The following BBS9 variants were observed in gnomAD, a reference collection of about 807,000 sequenced individuals.
The protein encoded by BBS9 is Bardet-Biedl syndrome 9.
BBS9 carries 89 observed loss-of-function variants against 117.7 expected under a neutral mutation model. The ratio of observed to expected loss-of-function variants is 0.76; its 90% confidence interval spans 0.64 to 0.90. The LOEUF (loss-of-function observed/expected upper bound fraction) is 0.90, where lower values mean the gene tolerates loss of function less well. Among genes scored for constraint, BBS9 ranks in the 40% least tolerant of loss-of-function variants. BBS9 has a pLI of 0.00. For synonymous variants in BBS9, 379 were observed against 370.9 expected (o/e 1.02, Z -0.25); for missense variants, 982 against 1,042.2 (o/e 0.94, Z 0.80).
chr7:33,579,266 A>T (rs1442471795), intron 21 of BBS9, among the ~76,000 whole-genome samples: 1 of 152,166 alleles, frequency 6.6e-6, no homozygotes, highest in Non-Finnish European at 1.5e-5. Flanking sequence ...CTTCATTATG[A>T]GCTGAAAGGG....
At chr7:33,274,139 A>T (rs1378878830) in intron 9 of BBS9, among the ~76,000 whole-genome samples, 183 bp downstream of exon 9, 2 of 152,232 alleles carry the variant, frequency 1.3e-5, no homozygotes, top group Non-Finnish European at 2.9e-5. Context: ...AATTAGTGCT[A>T]TTAATCATTT....
intron 6 of BBS9, among the ~76,000 whole-genome samples, chr7:33,262,104 A>G (rs1260250145): frequency 6.6e-6 from 1 of 152,188 alleles, no homozygotes; most frequent in Non-Finnish European, 1.5e-5. Flanking sequence ...TAAGTTTGTC[A>G]TCATCTAATT....
intron 15 of BBS9, among the ~76,000 whole-genome samples, chr7:33,357,543 G>A (rs1057504506): frequency 6.6e-6 from 1 of 151,734 alleles, no homozygotes; most frequent in Non-Finnish European, 1.5e-5. Flanking sequence ...ACTTAGTTCA[G>A]TAATTGAATG....
intron 4 of BBS9, among the ~76,000 whole-genome samples, chr7:33,170,188 A>G (rs1392938554): frequency 2.6e-5 from 4 of 151,538 alleles, no homozygotes; most frequent in African/African-American, 9.7e-5. Flanking sequence ...ATGAACATTG[A>G]TGCAAAAATC....
intron 18 of BBS9, among the ~76,000 whole-genome samples, chr7:33,385,839 CTT>C (rs1372649141): frequency 1.3e-5 from 2 of 151,722 alleles, no homozygotes; most frequent in Non-Finnish European, 2.9e-5. Context: ...CTTTTAAAAA[CTT>C]TATTTAAAAA....
At chr7:33,163,154 C>T (rs1419526106) in intron 4 of BBS9, among the ~76,000 whole-genome samples, 1 of 152,130 alleles carries the variant, frequency 6.6e-6, no homozygotes, top group Non-Finnish European at 1.5e-5. Flanking sequence ...TATGTTAAAC[C>T]AGCCTTGCAT....
At chr7:33,505,708 A>G in intron 20 of BBS9, 63 bp downstream of exon 20, 10 of 1,539,282 alleles carry the variant, frequency 6.5e-6, no homozygotes, top group Non-Finnish European at 8.9e-6. Flanking sequence ...CTTTAGGAAG[A>G]TATCACATGG....
chr7:33,129,563 T>A (rs986465024), upstream of BBS9: 3 of 157,518 alleles, frequency 1.9e-5, no homozygotes, highest in South Asian at 5.8e-4. Context: ...GTAAGTGCTA[T>A]GACAACAGGG....
intron 4 of BBS9, among the ~76,000 whole-genome samples, chr7:33,174,793 C>T (rs1281360484): frequency 6.6e-6 from 1 of 152,206 alleles, no homozygotes; most frequent in East Asian, 1.9e-4. Context: ...ACTCTTGGAG[C>T]TGCTCTTTCT....
intron 19 of BBS9, among the ~76,000 whole-genome samples, chr7:33,423,361 GAT>G (rs1833152158): frequency 1.3e-5 from 2 of 152,006 alleles, no homozygotes; most frequent in African/African-American, 4.8e-5. Context: ...AAATCAAAAA[GAT>G]AGAATTTTAA....
At chr7:33,543,148 C>A (rs542032558) in intron 21 of BBS9, among the ~76,000 whole-genome samples, 20 of 152,180 alleles carry the variant, frequency 1.3e-4, no homozygotes, top group African/African-American at 4.8e-4. Context: ...TTGATTATGG[C>A]CATTCTTGCA....
At chr7:33,405,141 C>T (rs1433129558) in intron 19 of BBS9, among the ~76,000 whole-genome samples, 3 of 152,202 alleles carry the variant, frequency 2.0e-5, no homozygotes, top group Non-Finnish European at 2.9e-5. Context: ...GTATGCTGGA[C>T]TACATTTATT....
At chr7:33,608,889 T>C (rs533542377), downstream of BBS9, among the ~76,000 whole-genome samples, 16 of 152,148 alleles carry the variant, frequency 1.1e-4, no homozygotes, top group East Asian at 3.1e-3. Flanking sequence ...ATTTTTGTTT[T>C]TGTTGCATTT....
chr7:33,421,564 C>A (rs556900596), intron 19 of BBS9, among the ~76,000 whole-genome samples: 1 of 152,126 alleles, frequency 6.6e-6, no homozygotes, highest in Admixed American at 6.5e-5. Context: ...TTGTACAGAA[C>A]ATTAGGGAAT....
chr7:33,205,249 C>G (rs1256033847), intron 5 of BBS9, among the ~76,000 whole-genome samples: 1 of 152,182 alleles, frequency 6.6e-6, no homozygotes, highest in East Asian at 1.9e-4. Flanking sequence ...TGGAAGCTTT[C>G]TTTTCCTGGG....
intron 5 of BBS9, among the ~76,000 whole-genome samples, chr7:33,184,511 T>C (rs1284633529): frequency 6.6e-6 from 1 of 152,156 alleles, no homozygotes; most frequent in Non-Finnish European, 1.5e-5. Flanking sequence ...CCTTCCTAAG[T>C]TGGGTCTCGA....
At position 33,273,170 on chromosome 7, in the gene BBS9, A is replaced by G; in HGVS notation, c.861A>G (p.Pro287=). The G allele has an allele frequency of 1.2e-6, 2 of 1,613,756 alleles. No individual in the cohort carries two copies. Among genetic ancestry groups the G allele is most frequent in the Admixed American group, 3.3e-5 (2 of 60,014 alleles). Residue 287 remains proline (P), a synonymous_variant, in exon 8 of 23, where the codon CCA becomes CCG. Coordinates refer to ENST00000242067, the MANE Select transcript of BBS9 (RefSeq NM_198428.3). The part of the protein sequence containing the change: ...IRFMKKLDWS[P]SCFLPYCSVS... ...TCATGAAGAAGCTTGATTGGAGCCC[A>G]AGTTGTTTTCTGCCATATTGCTCAG...
intron 17 of BBS9, among the ~76,000 whole-genome samples, chr7:33,377,738 C>T (rs1400555486): frequency 2.0e-5 from 3 of 152,046 alleles, no homozygotes; most frequent in Non-Finnish European, 4.4e-5. Flanking sequence ...AGATCTTTCA[C>T]CTCCCTTGTT....
Position 33,382,492 on chromosome 7 carries a change from T to G in BBS9, c.1790-1174T>G, listed in dbSNP as rs148194670. ...AAAAAAAAAAAGTGTATAAATTCCTTTAAAGGGAGCAAATGTAATAATCTT... is the reference window on the plus strand; with the variant it reads ...AAAAAAAAAAAGTGTATAAATTCCTGTAAAGGGAGCAAATGTAATAATCTT... On this transcript the variant is annotated intron_variant, in intron 17 of 22. Coordinates refer to ENST00000242067, the MANE Select transcript of BBS9 (RefSeq NM_198428.3). Among the ~76,000 whole-genome samples the G allele has an allele frequency of 1.3e-3, 190 of 151,960 alleles. 1 individual carries two copies. Among genetic ancestry groups the G allele is most frequent in the African/African-American group, 4.3e-3 (178 of 41,478 alleles).
Sources: gnomAD v4.1 joint callset for allele counts (sites outside exome capture counted in the v4.1 genomes callset) on GRCh38, gnomAD v4.1.1 for gene constraint, MANE v1.5 for transcripts, NCBI Gene and HGNC (gene_info 2026-07-23, HGNC 2026-07-21) for gene names.